The following KAT6B variants were observed in gnomAD, a reference collection of about 807,000 sequenced individuals.
KAT6B encodes lysine acetyltransferase 6B.
In KAT6B, 10 loss-of-function variants were observed where a neutral mutation model predicts 187.5. That is an observed-to-expected ratio of 0.05 (90% CI 0.03 to 0.09). The LOEUF is 0.09. Among genes scored for constraint, KAT6B ranks in the 10% least tolerant of loss-of-function variants. The pLI is 1.00. For synonymous variants in KAT6B, 861 were observed against 926.8 expected (o/e 0.93, Z 1.29); for missense variants, 1,952 against 2,558.9 (o/e 0.76, Z 5.12).
chr10:74,843,871 T>A (rs916068749), intron 3 of KAT6B, among the ~76,000 whole-genome samples: 1 of 152,178 alleles, frequency 6.6e-6, no homozygotes, highest in Non-Finnish European at 1.5e-5. Context: ...AGACTTCTTA[T>A]TTTACTATTA....
intron 3 of KAT6B, among the ~76,000 whole-genome samples, chr10:74,859,772 A>C (rs1429993022): frequency 6.6e-6 from 1 of 152,218 alleles, no homozygotes; most frequent in East Asian, 1.9e-4. Flanking sequence ...CAGCTACAGA[A>C]ATGTAACAAG....
chr10:74,910,498 T>C (rs1306485350), intron 3 of KAT6B, among the ~76,000 whole-genome samples: 1 of 152,210 alleles, frequency 6.6e-6, no homozygotes, highest in Non-Finnish European at 1.5e-5. Context: ...TAGAGATAAC[T>C]TCACTGTGGG....
intron 1 of KAT6B, among the ~76,000 whole-genome samples, chr10:74,830,770 T>TATATATATGTATATATATA (rs60886313): frequency 2.1e-4 from 2 of 9,628 alleles, no homozygotes; most frequent in Non-Finnish European, 4.1e-4. Flanking sequence ...ATATATATAT[T>TATATATATGTATATATATA]TTTTTTTTTT....
chr10:74,879,037 C>A (rs1844648267), intron 3 of KAT6B, among the ~76,000 whole-genome samples: 1 of 152,172 alleles, frequency 6.6e-6, no homozygotes, highest in African/African-American at 2.4e-5. Context: ...GCTTATATTT[C>A]ATTGGCTTGA....
intron 13 of KAT6B, among the ~76,000 whole-genome samples, chr10:75,016,639 A>G (rs1844990620): frequency 6.6e-6 from 1 of 152,242 alleles, no homozygotes; most frequent in Non-Finnish European, 1.5e-5. Context: ...TAATTTCACC[A>G]GCGATTAATT....
chr10:74,870,832 C>G (rs1386229659), intron 3 of KAT6B, among the ~76,000 whole-genome samples: 3 of 151,708 alleles, frequency 2.0e-5, no homozygotes, highest in Non-Finnish European at 4.4e-5. Context: ...CTGCCTCGGC[C>G]TCCCAAATTG....
chr10:74,981,596 A>C (rs990797493), intron 10 of KAT6B, among the ~76,000 whole-genome samples, 191 bp from the exon 11 acceptor site: 1 of 151,954 alleles, frequency 6.6e-6, no homozygotes, highest in Non-Finnish European at 1.5e-5. Flanking sequence ...CTGGTCTCAA[A>C]CTCCTGATCT....
chr10:74,853,691 G>C (rs1183258547), intron 3 of KAT6B, among the ~76,000 whole-genome samples: 1 of 148,644 alleles, frequency 6.7e-6, no homozygotes, highest in Non-Finnish European at 1.5e-5. Context: ...GTAGTGGCAT[G>C]GTCTCGGCTC....
At chr10:74,862,100 GATTA>G (rs1032779839) in intron 3 of KAT6B, among the ~76,000 whole-genome samples, 17 of 152,254 alleles carry the variant, frequency 1.1e-4, no homozygotes, top group African/African-American at 4.1e-4. Context: ...GGAAACCATT[GATTA>G]ATTAAACTTG....
At chr10:74,868,912 A>G (rs190360838) in intron 3 of KAT6B, among the ~76,000 whole-genome samples, 39 of 152,308 alleles carry the variant, frequency 2.6e-4, no homozygotes, top group African/African-American at 9.4e-4. Flanking sequence ...ATTGGAGTCC[A>G]GGGCCTTCAG....
At chr10:74,931,818 C>T (rs866449942) in intron 3 of KAT6B, among the ~76,000 whole-genome samples, 11 of 152,214 alleles carry the variant, frequency 7.2e-5, no homozygotes, top group African/African-American at 2.7e-4. Flanking sequence ...TCAAGCGATT[C>T]TTCTACCTCA....
chr10:74,832,444 G>A (rs977056987), intron 1 of KAT6B, among the ~76,000 whole-genome samples: 8 of 151,958 alleles, frequency 5.3e-5, no homozygotes, highest in Non-Finnish European at 1.0e-4. Flanking sequence ...GGGCAACATA[G>A]GGAGACCCCC....
chr10:75,002,387 A>AC lies in KAT6B; in HGVS notation c.2629+13275_2629+13276insC, dbSNP rs529571664. On this transcript the variant is annotated intron_variant, in intron 13 of 17. Transcript: ENST00000287239. The stretch of plus-strand genomic sequence containing the variant: ...TTTAGTGGCACTAACCAAAAAAAAA[A>AC]AACAACAACAAACTAGGCTAAGCAA... Among the ~76,000 whole-genome samples, 12 of 152,118 alleles carry AC rather than the reference A, an allele frequency of 7.9e-5. No homozygotes were observed. The South Asian group carries it at 1.9e-3, about 24-fold the overall frequency.
At chr10:74,876,107 TTA>T (rs1397069832) in intron 3 of KAT6B, among the ~76,000 whole-genome samples, 6 of 152,176 alleles carry the variant, frequency 3.9e-5, no homozygotes, top group Non-Finnish European at 7.3e-5. Context: ...ATCATGAAAT[TTA>T]TAAACCAGGA....
chr10:74,900,639 G>T (rs978735566), intron 3 of KAT6B, among the ~76,000 whole-genome samples: 23 of 152,220 alleles, frequency 1.5e-4, no homozygotes, highest in African/African-American at 4.1e-4. Context: ...CTGGCTAGGG[G>T]GTGAGGGCAC....
rs1003088192 is a variant in KAT6B, at chr10:75,022,251, T to G, written c.3372+20T>G. On this transcript the variant is annotated intron_variant, in intron 16 of 17. Transcript: ENST00000287239. The stretch of plus-strand genomic sequence containing the variant: ...AGAAAGGTAGGTGTCTGTTTAGATT[T>G]TCTGTGAGTCGCGTTCAATCAAATC... 1.2e-6 allele frequency: 2 copies of G among 1,612,974 alleles called. No homozygotes were observed. The highest frequency in any genetic ancestry group is 1.7e-6 in the Non-Finnish European group (2 of 1,179,926).
At chr10:74,861,518 G>A (rs1307861655) in intron 3 of KAT6B, among the ~76,000 whole-genome samples, 10 of 152,130 alleles carry the variant, frequency 6.6e-5, no homozygotes, top group Non-Finnish European at 1.5e-4. Context: ...GTTTACAAAG[G>A]AAGAAGCTGA....
intron 3 of KAT6B, among the ~76,000 whole-genome samples, chr10:74,854,467 TTC>T (rs1491035401): frequency 6.6e-6 from 1 of 152,108 alleles, no homozygotes; most frequent in African/African-American, 2.4e-5. Context: ...TGTATGTTTT[TTC>T]TGTTTTTTTT....
chr10:74,885,787 A>T (rs533278869), intron 3 of KAT6B, among the ~76,000 whole-genome samples: 2 of 149,292 alleles, frequency 1.3e-5, no homozygotes, highest in Non-Finnish European at 3.0e-5. Context: ...GCTGGAGTGC[A>T]GTGGCACGAT....
Sources: gnomAD v4.1 joint callset for allele counts (sites outside exome capture counted in the v4.1 genomes callset) on GRCh38, gnomAD v4.1.1 for gene constraint, MANE v1.5 for transcripts, NCBI Gene and HGNC (gene_info 2026-07-23, HGNC 2026-07-21) for gene names.